The following UBE2G1 variants were observed in gnomAD, a reference collection of about 807,000 sequenced individuals.
UBE2G1 encodes ubiquitin conjugating enzyme E2 G1.
In UBE2G1, 5 loss-of-function variants were observed where a neutral mutation model predicts 22.7. That is an observed-to-expected ratio of 0.22 (90% confidence interval 0.12 to 0.46). The LOEUF is 0.46. UBE2G1 is among the 20% of genes least tolerant of loss of function. The pLI, the probability that UBE2G1 is intolerant of heterozygous loss-of-function variation, is 0.99. For missense variants in UBE2G1, 88 were observed against 203.9 expected, an observed-to-expected ratio of 0.43 and a Z score of 3.46; for synonymous variants, 74 against 67.5, an observed-to-expected ratio of 1.10 and a Z score of -0.47.
At chr17:4,323,405 T>C (rs1969466722) in intron 1 of UBE2G1, among the ~76,000 whole-genome samples, 1 of 152,214 alleles carries the variant, frequency 6.6e-6, no homozygotes, top group Admixed American at 6.5e-5. Flanking sequence ...AAAACTCCTT[T>C]AATTAAGGAT....
At chr17:4,344,526 G>A (rs1969747689) in intron 1 of UBE2G1, among the ~76,000 whole-genome samples, 1 of 150,960 alleles carries the variant, frequency 6.6e-6, no homozygotes, top group African/African-American at 2.4e-5. Flanking sequence ...GACGACAAGA[G>A]TGAAACGCCA....
chr17:4,358,079 C>T (rs983425814), intron 1 of UBE2G1, among the ~76,000 whole-genome samples: 2 of 151,718 alleles, frequency 1.3e-5, no homozygotes, highest in Non-Finnish European at 2.9e-5. Flanking sequence ...TATAAAAGTT[C>T]AAGTTTCTCC....
intron 1 of UBE2G1, among the ~76,000 whole-genome samples, chr17:4,310,731 T>G (rs925523613): frequency 6.6e-6 from 1 of 152,188 alleles, no homozygotes; most frequent in African/African-American, 2.4e-5. Context: ...TCTTGTAGTA[T>G]GTAGAAGATT....
At chr17:4,315,828 A>G (rs1969363154) in intron 1 of UBE2G1, among the ~76,000 whole-genome samples, 1 of 128,374 alleles carries the variant, frequency 7.8e-6, no homozygotes, top group African/African-American at 3.1e-5. Flanking sequence ...CCTCCCTGAG[A>G]CGGAGTCTCG....
At chr17:4,364,935 C>T (rs1970015414) in intron 1 of UBE2G1, among the ~76,000 whole-genome samples, 1 of 152,208 alleles carries the variant, frequency 6.6e-6, no homozygotes, top group South Asian at 2.1e-4. Context: ...ATCATTAGAA[C>T]TTCTCCATTT....
At chr17:4,293,805 C>G (rs1969071876) in intron 3 of UBE2G1, among the ~76,000 whole-genome samples, 1 of 152,158 alleles carries the variant, frequency 6.6e-6, no homozygotes, top group South Asian at 2.1e-4. Context: ...CTTTACCATT[C>G]ACCTCTGGCA....
At chr17:4,274,446 C>G (rs1968798659) in intron 5 of UBE2G1, among the ~76,000 whole-genome samples, 1 of 152,122 alleles carries the variant, frequency 6.6e-6, no homozygotes, top group Non-Finnish European at 1.5e-5. Flanking sequence ...ATCTGCCTAC[C>G]TCGGCCTCCC....
At chr17:4,349,300 T>C (rs1220735569) in intron 1 of UBE2G1, among the ~76,000 whole-genome samples, 1 of 152,108 alleles carries the variant, frequency 6.6e-6, no homozygotes, top group Non-Finnish European at 1.5e-5. Flanking sequence ...AGCCTAGGAC[T>C]ACCATGAGAA....
intron 3 of UBE2G1, among the ~76,000 whole-genome samples, chr17:4,294,741 C>G (rs1174319457): frequency 6.6e-6 from 1 of 151,978 alleles, no homozygotes; most frequent in Admixed American, 6.6e-5. Flanking sequence ...ATGGTGAAAC[C>G]CCGTCTTTAC....
intron 1 of UBE2G1, among the ~76,000 whole-genome samples, chr17:4,365,243 G>A (rs1392081082): frequency 4.6e-5 from 7 of 152,224 alleles, no homozygotes; most frequent in Non-Finnish European, 1.0e-4. Context: ...TTGTACAGCA[G>A]GGGTAAGTGC....
At chr17:4,361,580 G>T (rs533297028) in intron 1 of UBE2G1, among the ~76,000 whole-genome samples, 4 of 152,110 alleles carry the variant, frequency 2.6e-5, no homozygotes, top group Non-Finnish European at 5.9e-5. Flanking sequence ...CACAGTGCCT[G>T]GTACATGTTA....
intron 1 of UBE2G1, among the ~76,000 whole-genome samples, chr17:4,322,037 A>G (rs60305203): frequency 0.047 from 7,133 of 152,294 alleles, 598 homozygotes; most frequent in African/African-American, 0.16. Flanking sequence ...TTTGAAATGC[A>G]ACAATCTGAA....
In UBE2G1 at chr17:4,275,112, C is replaced by A. The variant is rs927373197; in HGVS notation, c.*38-2596G>T. Among the ~76,000 whole-genome samples, 7 of 152,094 alleles carry A rather than the reference C, an allele frequency of 4.6e-5. No homozygotes were observed. In the South Asian group the frequency reaches 1.5e-3, roughly 32 times the overall value. On this transcript the variant is annotated intron_variant, in intron 5 of 5. Transcript: ENST00000396981. ...GCAAGACTCCCGTCTTAAAAAAAAA[C>A]AACACTAAAATCAGGCGACCTAGCC...
chr17:4,279,785 T>TATATATA (rs1968862385), intron 5 of UBE2G1, among the ~76,000 whole-genome samples: 1 of 68,852 alleles, frequency 1.5e-5, no homozygotes, highest in African/African-American at 4.3e-5. Context: ...CAAAAAAAAG[T>TATATATA]TATATATATA....
intron 1 of UBE2G1, among the ~76,000 whole-genome samples, chr17:4,344,001 C>G (rs936643132): frequency 9.9e-5 from 15 of 152,168 alleles, no homozygotes; most frequent in African/African-American, 3.6e-4. Flanking sequence ...AAAAAAATAG[C>G]AATGACTATT....
Position 4,270,204 on chromosome 17 carries a change from A to G in UBE2G1, c.*2350T>C, listed in dbSNP as rs1388188176. On this transcript the variant is annotated 3_prime_UTR_variant, in exon 6 of 6. Coordinates refer to ENST00000396981, the MANE Select transcript of UBE2G1 (RefSeq NM_003342.5). ...AAAGTGGCACTTAAAGTTCAAAAAT[A>G]GTTGTCCCTGAGTTACTAGGTCATT... is the stretch of plus-strand genomic sequence containing the variant. 1 of 152,600 alleles carries G rather than the reference A, an allele frequency of 6.6e-6. No individual in the cohort carries two copies. The highest frequency in any genetic ancestry group is 6.5e-5 in the Admixed American group (1 of 15,284). 9.5% of individuals were successfully genotyped at this position (152,600 alleles called of 1,614,324 possible).
chr17:4,291,679 A>AT (rs1480343328), intron 3 of UBE2G1, among the ~76,000 whole-genome samples: 7 of 152,228 alleles, frequency 4.6e-5, no homozygotes, highest in Admixed American at 2.0e-4. Context: ...AATACCTATT[A>AT]TCAAACCATA....
intron 1 of UBE2G1, among the ~76,000 whole-genome samples, chr17:4,316,640 ATTT>A (rs1460635078): frequency 6.6e-6 from 1 of 152,166 alleles, no homozygotes; most frequent in African/African-American, 2.4e-5. Context: ...TAAAATTAGA[ATTT>A]TTTATTTGTA....
chr17:4,283,171 A>G (rs1426734600), intron 4 of UBE2G1, among the ~76,000 whole-genome samples: 1 of 152,220 alleles, frequency 6.6e-6, no homozygotes, highest in African/African-American at 2.4e-5. Context: ...TCACAAAAGA[A>G]CATTTACAGT....
Sources: allele counts gnomAD v4.1 joint callset (sites outside exome capture counted in the v4.1 genomes callset), GRCh38; gene constraint gnomAD v4.1.1; transcripts MANE v1.5; gene names NCBI Gene and HGNC (gene_info 2026-07-23, HGNC 2026-07-21).